Variants in DCN observed in about 807,000 individuals in gnomAD.
The protein encoded by DCN is decorin.
Under a neutral mutation model 36.5 loss-of-function variants are expected in DCN, and 17 were observed. The ratio of observed to expected loss-of-function variants is 0.47; its 90% confidence interval spans 0.32 to 0.70. DCN has a LOEUF of 0.70. Ranked by LOEUF, DCN falls within the 30% of genes least tolerant of loss-of-function variation. The probability of loss-of-function intolerance (pLI) is 0.04; values close to 1 mark genes in which losing one functional copy is unlikely to be tolerated. For missense variants in DCN, 389 were observed against 430.1 expected, an observed-to-expected ratio of 0.90 and a Z score of 0.84; for synonymous variants, 163 against 161.4, an observed-to-expected ratio of 1.01 and a Z score of -0.07.
intron 2 of DCN, among the ~76,000 whole-genome samples, chr12:91,171,944 T>G (rs1360117552): frequency 6.6e-6 from 1 of 151,806 alleles, no homozygotes; most frequent in East Asian, 1.9e-4. Flanking sequence ...TATTTTTCAT[T>G]GAGCAGCCTT....
At chr12:91,150,131 G>T (rs1383294320) in intron 7 of DCN, among the ~76,000 whole-genome samples, 2 of 152,036 alleles carry the variant, frequency 1.3e-5, no homozygotes, top group Non-Finnish European at 2.9e-5. Context: ...CAAAGTTGGA[G>T]AACCTACATT....
chr12:91,153,171 G>T lies in DCN; in HGVS notation c.671C>A (p.Thr224Lys). The change falls in exon 6 of 8, where the codon ACG becomes AAG. Residue 224 changes from threonine to lysine, a missense_variant. By Grantham distance (78) the Thr-to-Lys change is moderately conservative. Transcript: ENST00000052754. ...TTTGTTGCCATCAAGATGTAATTCC[G>T]TAAGGGAAGGAGGAAGACCTGGAAT... ...SIPQGLPPSLTELHLDGNKIS... is the reference protein window; with the variant it reads ...SIPQGLPPSLKELHLDGNKIS... 1 of 1,599,080 alleles carries T rather than the reference G, an allele frequency of 6.3e-7. No individual in the cohort carries two copies. The highest frequency in any genetic ancestry group is 8.6e-7 in the Non-Finnish European group (1 of 1,166,444).
chr12:91,170,343 C>T (rs1882880686), intron 2 of DCN, among the ~76,000 whole-genome samples: 1 of 152,070 alleles, frequency 6.6e-6, no homozygotes, highest in African/African-American at 2.4e-5. Flanking sequence ...GCATATTATC[C>T]TAGAGGCTGA....
chr12:91,156,631 A>T, intron 5 of DCN, among the ~76,000 whole-genome samples: 1 of 151,136 alleles, frequency 6.6e-6, no homozygotes, highest in South Asian at 2.1e-4. Flanking sequence ...GGAAAAAAAA[A>T]TTCCCTAAGC....
At chr12:91,147,818 C>T (rs7959487) in intron 7 of DCN, among the ~76,000 whole-genome samples, 184 of 152,228 alleles carry the variant, frequency 1.2e-3, no homozygotes, top group African/African-American at 4.1e-3. Flanking sequence ...ACATATTTTA[C>T]GTAATACGTT....
At chr12:91,147,962 G>A (rs1881136056) in intron 7 of DCN, among the ~76,000 whole-genome samples, 1 of 151,942 alleles carries the variant, frequency 6.6e-6, no homozygotes, top group Non-Finnish European at 1.5e-5. Context: ...TACAAAGAAT[G>A]TTAGAAATGA....
chr12:91,178,553 G>A lies in DCN; in HGVS notation c.-1C>T. On this transcript the variant is annotated 5_prime_UTR_variant, in exon 2 of 8. Coordinates refer to ENST00000052754, the MANE Select transcript of DCN (RefSeq NM_001920.5). ...GAAGGAGGATGATAGTGGCCTTCAT[G>A]ATTTATCTCATGTATTTTCACAACC... The A allele has an allele frequency of 6.2e-7, 1 of 1,613,330 alleles. No individual in the cohort carries two copies. Among genetic ancestry groups the A allele is most frequent in the Non-Finnish European group, 8.5e-7 (1 of 1,179,556 alleles).
intron 2 of DCN, among the ~76,000 whole-genome samples, chr12:91,165,091 T>C (rs987304657): frequency 6.6e-6 from 1 of 152,210 alleles, no homozygotes; most frequent in African/African-American, 2.4e-5. Flanking sequence ...GGCAAATTTA[T>C]ACATTTTTAC....
intron 7 of DCN, among the ~76,000 whole-genome samples, chr12:91,147,741 C>T (rs1212698143): frequency 2.0e-5 from 3 of 152,162 alleles, no homozygotes; most frequent in Non-Finnish European, 4.4e-5. Context: ...GAATCACAAA[C>T]TCCAAGAAAT....
chr12:91,143,765 T>C lies in DCN; in HGVS notation c.*2293A>G, dbSNP rs1444563768. On this transcript the variant is annotated 3_prime_UTR_variant, in exon 8 of 8. Transcript: ENST00000052754. ...AAGCCAAAGAAATCAGCTATATTTA[T>C]CTTTATTTCAAAGGAAATAAAGATA... 2 of 150,562 alleles carry C rather than the reference T, an allele frequency of 1.3e-5. No individual in the cohort carries two copies. The highest frequency in any genetic ancestry group is 3.0e-5 in the Non-Finnish European group (2 of 67,714). The allele number at this position is 150,562 out of a possible 1,614,324, so 9.3% of individuals were successfully genotyped here. A position where few individuals can be genotyped will look rare whatever the true frequency, so the allele number is the denominator to read the frequency against.
chr12:91,160,808 G>T (rs3138300), intron 3 of DCN, among the ~76,000 whole-genome samples: 1 of 151,896 alleles, frequency 6.6e-6, no homozygotes, highest in Non-Finnish European at 1.5e-5. Context: ...TCAATTCAAA[G>T]AAAATATATT....
At chr12:91,146,592 G>A (rs1881043749) in intron 7 of DCN, among the ~76,000 whole-genome samples, 1 of 151,988 alleles carries the variant, frequency 6.6e-6, no homozygotes, top group Admixed American at 6.6e-5. Context: ...GACCTCAAGT[G>A]ATCCGGCCAC....
At chr12:91,156,557 A>G (rs1229755795) in intron 5 of DCN, among the ~76,000 whole-genome samples, 2 of 152,140 alleles carry the variant, frequency 1.3e-5, no homozygotes, top group Admixed American at 6.5e-5. Context: ...TCCAAAATCT[A>G]CACTCTTCAC....
At chr12:91,157,898 G>A (rs1881899329) in intron 4 of DCN, among the ~76,000 whole-genome samples, 2 of 152,128 alleles carry the variant, frequency 1.3e-5, no homozygotes, top group South Asian at 4.1e-4. Flanking sequence ...AAAGTGCTGG[G>A]ATTACAGGCA....
chr12:91,147,618 T>C (rs912674101), intron 7 of DCN, among the ~76,000 whole-genome samples: 2 of 152,164 alleles, frequency 1.3e-5, no homozygotes, highest in African/African-American at 2.4e-5. Flanking sequence ...ACATGAAATA[T>C]TATGTTTTCA....
Position 91,180,304 on chromosome 12 carries a change from A to C in DCN, c.-33-1719T>G, listed in dbSNP as rs528218260. ...TATTAAAAAAAAGAAGAAAGAAAGA[A>C]GGAAGGAAGAAAGAAAGAAAGAAGG... On this transcript the variant is annotated intron_variant, in intron 1 of 7. Transcript: ENST00000052754. The C allele has an allele frequency of 3.0e-5, 3 of 98,710 alleles. No individual in the cohort carries two copies. The South Asian group carries it at 7.8e-4, about 26-fold the overall frequency. 6.1% of individuals were successfully genotyped at this position (98,710 alleles called of 1,614,324 possible).
chr12:91,159,428 T>A (rs190387472), intron 3 of DCN, among the ~76,000 whole-genome samples: 6 of 151,532 alleles, frequency 4.0e-5, no homozygotes, highest in African/African-American at 1.5e-4. Flanking sequence ...ATTTTTTTTT[T>A]ATTTTCCTAC....
At chr12:91,151,406 A>G in intron 7 of DCN, 1 of 459,002 alleles carries the variant, frequency 2.2e-6, no homozygotes, top group Non-Finnish European at 4.0e-6. Context: ...TGAAAAAAAT[A>G]TCAGCATTAC....
At chr12:91,167,734 C>A (rs569447443) in intron 2 of DCN, among the ~76,000 whole-genome samples, 1 of 152,230 alleles carries the variant, frequency 6.6e-6, no homozygotes, top group South Asian at 2.1e-4. Flanking sequence ...AACAGAAACC[C>A]AAAGAAGTTA....
Sources: allele counts gnomAD v4.1 joint callset (sites outside exome capture counted in the v4.1 genomes callset), GRCh38; gene constraint gnomAD v4.1.1; transcripts MANE v1.5; gene names NCBI Gene and HGNC (gene_info 2026-07-23, HGNC 2026-07-21).